The following ZC3H7A variants were observed in gnomAD, a reference collection of about 807,000 sequenced individuals.
The protein encoded by ZC3H7A is zinc finger CCCH-type containing 7A, also known as zinc finger CCCH domain-containing protein 7A.
A neutral mutation model predicts 125.5 loss-of-function variants in ZC3H7A; 44 were observed. The ratio of observed to expected loss-of-function variants is 0.35; its 90% CI spans 0.28 to 0.45. ZC3H7A has a LOEUF of 0.45. Ranked by LOEUF, ZC3H7A falls within the 20% of genes least tolerant of loss-of-function variation. The pLI is 1.00. For missense variants in ZC3H7A, 977 were observed against 1,170.7 expected (o/e 0.83, Z 2.41); for synonymous variants, 399 against 391.2 (o/e 1.02, Z -0.23).
chr16:11,763,260 A>G, intron 16 of ZC3H7A: 1 of 362,216 alleles, frequency 2.8e-6, no homozygotes, highest in Non-Finnish European at 5.0e-6. Context: ...GGCGCCCACC[A>G]CCACGCCCGA....
intron 11 of ZC3H7A, 33 bp from the exon 12 acceptor site, chr16:11,768,534 A>AG: frequency 7.0e-7 from 1 of 1,427,346 alleles, no homozygotes; most frequent in Non-Finnish European, 9.3e-7. Context: ...AAAAAAAAAA[A>AG]CAGCCAACAA....
At chr16:11,758,680 C>A in intron 19 of ZC3H7A, 141 bp from the exon 20 acceptor site, 1 of 615,666 alleles carries the variant, frequency 1.6e-6, no homozygotes, top group South Asian at 2.0e-5. Flanking sequence ...TTTGACTCTA[C>A]TCAAATTAAC....
chr16:11,758,367 T>G, intron 20 of ZC3H7A, 64 bp downstream of exon 20: 1 of 1,229,658 alleles, frequency 8.1e-7, no homozygotes, highest in Admixed American at 1.8e-5. Context: ...GCTGGCATAT[T>G]TATAGAGAGG....
At chr16:11,793,329 T>C (rs1207118269) in intron 1 of ZC3H7A, among the ~76,000 whole-genome samples, 1 of 152,058 alleles carries the variant, frequency 6.6e-6, no homozygotes, top group African/African-American at 2.4e-5. Flanking sequence ...GGCCAGGAGT[T>C]TGAGACCAGC....
At chr16:11,753,030 C>T in intron 21 of ZC3H7A, 198 bp from the exon 22 acceptor site, 2 of 564,672 alleles carry the variant, frequency 3.5e-6, no homozygotes, top group Non-Finnish European at 6.0e-6. Flanking sequence ...ATGCTGCCAG[C>T]TGTCCAGGAA....
At chr16:11,772,231 T>C (rs1269644820) in intron 9 of ZC3H7A, among the ~76,000 whole-genome samples, 2 of 149,282 alleles carry the variant, frequency 1.3e-5, no homozygotes, top group Non-Finnish European at 3.0e-5. Flanking sequence ...TAAAGAGGAA[T>C]TGTGGGATAT....
intron 1 of ZC3H7A, among the ~76,000 whole-genome samples, chr16:11,795,444 G>A (rs370504152): frequency 5.9e-5 from 9 of 152,184 alleles, no homozygotes; most frequent in Non-Finnish European, 1.3e-4. Context: ...ATGTATGTAC[G>A]CATGTATGTG....
intron 1 of ZC3H7A, among the ~76,000 whole-genome samples, chr16:11,791,077 TA>T (rs1398089455): frequency 7.7e-6 from 1 of 129,586 alleles, no homozygotes; most frequent in East Asian, 2.2e-4. Flanking sequence ...GTCTCTAAAA[TA>T]AATTTTTAAA....
chr16:11,783,990 G>A lies in ZC3H7A; in HGVS notation c.-34-1602C>T, dbSNP rs181111197. ...TCCAGTAACAACAAAAAAGGGGGGG[G>A]CTGTGAGGTGGGGAGGAAACAGCAG... On this transcript the variant is annotated intron_variant, in intron 1 of 22. Transcript: ENST00000355758. 5.6e-3 allele frequency among the ~76,000 whole-genome samples: 782 copies of A among 138,714 alleles called. 6 individuals carry two copies. The highest frequency in any genetic ancestry group is 0.015 in the Middle Eastern group (4 of 272). The allele number at this position is 138,714 out of a possible 152,430, so 91.0% of individuals were successfully genotyped here. A position where few individuals can be genotyped will look rare whatever the true frequency, so the allele number is the denominator to read the frequency against.
chr16:11,779,069 T>C (rs1596397680), intron 4 of ZC3H7A, 97 bp downstream of exon 4: 1 of 1,099,120 alleles, frequency 9.1e-7, no homozygotes, highest in Non-Finnish European at 1.3e-6. Flanking sequence ...AATATGACTT[T>C]CTTAAAAACT....
intron 21 of ZC3H7A, among the ~76,000 whole-genome samples, chr16:11,754,321 A>AATAG (rs1555493023): frequency 7.1e-6 from 1 of 140,454 alleles, no homozygotes; most frequent in Non-Finnish European, 1.5e-5. Flanking sequence ...AAGAAAAAAA[A>AATAG]ATATATATAT....
intron 21 of ZC3H7A, among the ~76,000 whole-genome samples, chr16:11,755,870 G>A (rs1014253577): frequency 6.6e-6 from 1 of 152,000 alleles, no homozygotes; most frequent in African/African-American, 2.4e-5. Flanking sequence ...GAGAAGATGG[G>A]AAAGAAAAGA....
At chr16:11,759,762 A>T (rs1173207260) in intron 19 of ZC3H7A, 1 of 152,236 alleles carries the variant, frequency 6.6e-6, no homozygotes, top group Non-Finnish European at 1.5e-5. Flanking sequence ...ATTGTCTTTA[A>T]GCCTCACCAC....
intron 10 of ZC3H7A, among the ~76,000 whole-genome samples, chr16:11,769,710 C>CA (rs529124830): frequency 0.026 from 853 of 32,386 alleles, 97 homozygotes; most frequent in African/African-American, 0.13. Context: ...GACTCTGTCT[C>CA]AAAAAAAAAA....
rs1177401157 is a variant in ZC3H7A at position 11,765,198 on chromosome 16, A to C, written c.1720-45T>G. The C allele has an allele frequency of 1.6e-6, 2 of 1,218,046 alleles. No homozygotes were observed. The highest frequency in any genetic ancestry group is 2.3e-6 in the Non-Finnish European group (2 of 879,038). 75.5% of individuals were successfully genotyped at this position (1,218,046 alleles called of 1,614,324 possible). A position where few individuals can be genotyped will look rare whatever the true frequency, so the allele number is the denominator to read the frequency against. ...ATTATCAAAAAAAATACAAAATATA[A>C]ATTTTGTACCCAGAATATTGTCCTA... On this transcript the variant is annotated intron_variant, in intron 14 of 22. Transcript: ENST00000355758. This position sits in a 1 kb window ranked among gnomAD's most constrained non-coding sequence, Gnocchi z 4.8.
intron 17 of ZC3H7A, 54 bp from the exon 18 acceptor site, chr16:11,762,097 G>T: frequency 1.3e-6 from 2 of 1,499,306 alleles, no homozygotes; most frequent in Non-Finnish European, 1.8e-6. Flanking sequence ...CCAGTTTTCT[G>T]ATGACAAAAT....
intron 1 of ZC3H7A, chr16:11,783,135 C>T (rs536502367): frequency 6.6e-6 from 1 of 152,292 alleles, no homozygotes; most frequent in South Asian, 2.1e-4. Context: ...TTCACATCCG[C>T]TTGCCTCCGA....
intron 1 of ZC3H7A, among the ~76,000 whole-genome samples, chr16:11,792,755 T>C (rs1334425410): frequency 6.6e-6 from 1 of 152,252 alleles, no homozygotes; most frequent in Non-Finnish European, 1.5e-5. Context: ...GCAGACAGCC[T>C]GGCTCCAAGC....
rs34972921 is a variant in ZC3H7A, at chr16:11,791,088, A to AACACACACAC, written c.-35+6026_-35+6035dup. ...CCCTGTCTCTAAAATAAATTTTTAA[A>AACACACACAC]ACACACACACACACACACACACACA... On this transcript the variant is annotated intron_variant, in intron 1 of 22. Transcript: ENST00000355758. 7.1e-3 allele frequency among the ~76,000 whole-genome samples: 968 copies of AACACACACAC among 136,092 alleles called. 18 individuals are homozygous for AACACACACAC. The highest frequency in any genetic ancestry group is 0.018 in the African/African-American group (650 of 35,322). 89.3% of individuals were successfully genotyped at this position (136,092 alleles called of 152,430 possible). A position where few individuals can be genotyped will look rare whatever the true frequency, so the allele number is the denominator to read the frequency against.
Sources: gnomAD v4.1 joint callset for allele counts (sites outside exome capture counted in the v4.1 genomes callset) on GRCh38, gnomAD v4.1.1 for gene constraint, Gnocchi (gnomAD v3.1) non-coding constraint, MANE v1.5 for transcripts, NCBI Gene and HGNC (gene_info 2026-07-23, HGNC 2026-07-21) for gene names.